Variants in MCCC1 observed in about 807,000 individuals in gnomAD.
MCCC1 encodes the protein methylcrotonyl-CoA carboxylase subunit 1.
In MCCC1, 64 loss-of-function variants were observed where a neutral mutation model predicts 83.8. The ratio of observed to expected loss-of-function variants is 0.76; its 90% CI spans 0.62 to 0.94. MCCC1 has a LOEUF of 0.94. MCCC1 is among the 40% of genes least tolerant of loss of function. MCCC1 has a pLI of 0.00. For synonymous variants in MCCC1, 322 were observed against 315.4 expected (o/e 1.02, Z -0.22); for missense variants, 807 against 904.7 (o/e 0.89, Z 1.39).
At chr3:183,096,586 C>T (rs941738471) in intron 1 of MCCC1, among the ~76,000 whole-genome samples, 2 of 151,678 alleles carry the variant, frequency 1.3e-5, no homozygotes, top group African/African-American at 4.9e-5. Flanking sequence ...TTCACTGGAG[C>T]GGAGATGCAG....
At chr3:183,070,616 C>G (rs1716591899) in intron 7 of MCCC1, among the ~76,000 whole-genome samples, 1 of 152,042 alleles carries the variant, frequency 6.6e-6, no homozygotes, top group Non-Finnish European at 1.5e-5. Context: ...ACCTGTAATT[C>G]CAGCTACTTA....
chr3:183,099,526 C>G, upstream of MCCC1: 3 of 1,501,990 alleles, frequency 2.0e-6, no homozygotes, highest in South Asian at 1.2e-5. Flanking sequence ...ACTACGAAGC[C>G]TCGTGACCCC....
chr3:183,025,684 G>T, intron 15 of MCCC1, 71 bp downstream of exon 15: 1 of 1,311,836 alleles, frequency 7.6e-7, no homozygotes, highest in Non-Finnish European at 1.1e-6. Flanking sequence ...ACCAGAGAGT[G>T]AAAGACCCTA....
intron 10 of MCCC1, among the ~76,000 whole-genome samples, chr3:183,044,441 A>T (rs1017959414): frequency 5.2e-4 from 79 of 152,352 alleles, no homozygotes; most frequent in African/African-American, 1.7e-3. Flanking sequence ...AGCAATGCCA[A>T]AATGCTTTAA....
intron 14 of MCCC1, among the ~76,000 whole-genome samples, chr3:183,030,590 C>T (rs1304790456): frequency 6.6e-6 from 1 of 152,140 alleles, no homozygotes; most frequent in Non-Finnish European, 1.5e-5. Flanking sequence ...AGTGATTTTC[C>T]TCTCTATCAG....
intron 7 of MCCC1, among the ~76,000 whole-genome samples, chr3:183,063,654 C>T (rs1412038352): frequency 3.9e-5 from 6 of 152,126 alleles, no homozygotes; most frequent in African/African-American, 7.2e-5. Flanking sequence ...TGTATGAACT[C>T]GCCCTGAATT....
chr3:183,089,415 C>T (rs977786773), intron 3 of MCCC1, among the ~76,000 whole-genome samples: 3 of 152,042 alleles, frequency 2.0e-5, no homozygotes, highest in Non-Finnish European at 4.4e-5. Flanking sequence ...ATAATCCCAG[C>T]GCTTTGGGAC....
chr3:183,036,824 C>T (rs1258337686), intron 13 of MCCC1, among the ~76,000 whole-genome samples: 7 of 152,060 alleles, frequency 4.6e-5, no homozygotes. Context: ...CAGGCACGTG[C>T]CACCACGCCC....
chr3:183,084,055 G>T (rs544829950), intron 4 of MCCC1, among the ~76,000 whole-genome samples: 6 of 152,226 alleles, frequency 3.9e-5, no homozygotes, highest in Non-Finnish European at 8.8e-5. Context: ...GTGGGTTTAG[G>T]GTAGGACTTA....
chr3:183,070,910 A>G, intron 7 of MCCC1, 89 bp downstream of exon 7: 1 of 1,382,668 alleles, frequency 7.2e-7, no homozygotes. Context: ...CTTATATACT[A>G]CTACAGTTTT....
chr3:183,054,378 G>A (rs992611631), intron 8 of MCCC1, among the ~76,000 whole-genome samples: 9 of 151,496 alleles, frequency 5.9e-5, no homozygotes, highest in East Asian at 2.0e-4. Flanking sequence ...TAGTAGAGAC[G>A]GGGTTTCACT....
intron 4 of MCCC1, among the ~76,000 whole-genome samples, chr3:183,086,366 T>A (rs1717891625): frequency 6.6e-6 from 1 of 152,238 alleles, no homozygotes; most frequent in South Asian, 2.1e-4. Flanking sequence ...TTTTACCTTG[T>A]AATTCAGAGC....
intron 7 of MCCC1, among the ~76,000 whole-genome samples, chr3:183,059,454 C>T (rs958866668): frequency 6.6e-6 from 1 of 151,992 alleles, no homozygotes; most frequent in Admixed American, 6.6e-5. Flanking sequence ...TTGACTTTTC[C>T]TCTTTATCCA....
At position 183,041,729 on chromosome 3, in the gene MCCC1, G is replaced by T; in HGVS notation, c.1105C>A (p.Pro369Thr). 6.2e-7 allele frequency: 1 copy of T among 1,614,138 alleles called. No individual in the cohort carries two copies. The highest frequency in any genetic ancestry group is 8.5e-7 in the Non-Finnish European group (1 of 1,180,018). The change falls in exon 11 of 19, where the codon CCT (proline) becomes ACT (threonine). Residue 369 changes from proline to threonine, a missense_variant. Transcript: ENST00000265594. ...AGAGTTATTTCTTCCTGGCTCAAAG[G>T]AATCTTCTCTCCTGCTGCAATCTGG... is the stretch of plus-strand genomic sequence containing the variant. ...QLRIAAGEKI[P>T]LSQEEITLQG...
Position 183,059,869 on chromosome 3 carries a change from C to T in MCCC1, c.762-2447G>A, listed in dbSNP as rs115994895. ...CTGATAAGATTTCTTATTTTTATTCCTCTAGTATTTTCCTTCCTTGTGGCT... is the reference window on the plus strand; with the variant it reads ...CTGATAAGATTTCTTATTTTTATTCTTCTAGTATTTTCCTTCCTTGTGGCT... On this transcript the variant is annotated intron_variant, in intron 7 of 18. Transcript: ENST00000265594. Among the ~76,000 whole-genome samples, 846 of 152,206 alleles carry T rather than the reference C, an allele frequency of 5.6e-3. 7 individuals are homozygous for T. Among genetic ancestry groups the T allele is most frequent in the African/African-American group, 0.019 (773 of 41,534 alleles).
At chr3:183,112,231 G>A (rs916798165) in intron 1 of MCCC1, among the ~76,000 whole-genome samples, 3 of 152,162 alleles carry the variant, frequency 2.0e-5, no homozygotes, top group Admixed American at 2.0e-4. Context: ...CAATTAAGAT[G>A]TTTTTGCCTG....
At chr3:183,030,148 A>G (rs548380364) in intron 14 of MCCC1, among the ~76,000 whole-genome samples, 5 of 152,188 alleles carry the variant, frequency 3.3e-5, no homozygotes, top group Admixed American at 3.3e-4. Context: ...TCTCTACTAA[A>G]AACACAAAAA....
At chr3:183,029,706 T>A (rs371753739) in intron 14 of MCCC1, among the ~76,000 whole-genome samples, 11 of 152,142 alleles carry the variant, frequency 7.2e-5, no homozygotes, top group Non-Finnish European at 1.0e-4. Flanking sequence ...TTTTCCTTTT[T>A]AAAAATTTTT....
chr3:183,025,384 A>G (rs1054380216), intron 15 of MCCC1, among the ~76,000 whole-genome samples: 8 of 152,376 alleles, frequency 5.3e-5, no homozygotes, highest in Non-Finnish European at 1.0e-4. Flanking sequence ...TATAATTAAC[A>G]CAAACCAAAG....
Sources: gnomAD v4.1 joint callset for allele counts (sites outside exome capture counted in the v4.1 genomes callset) on GRCh38, gnomAD v4.1.1 for gene constraint, MANE v1.5 for transcripts, NCBI Gene and HGNC (gene_info 2026-07-23, HGNC 2026-07-21) for gene names.